Variants in BABAM2 observed in about 807,000 individuals in gnomAD.
BABAM2 encodes the protein BRISC and BRCA1-A complex member 2.
In BABAM2, 31 loss-of-function variants were observed where a neutral mutation model predicts 54.7. The ratio of observed to expected loss-of-function variants is 0.57; its 90% CI spans 0.43 to 0.77. The LOEUF (loss-of-function observed/expected upper bound fraction) is 0.77, where lower values mean the gene tolerates loss of function less well. Ranked by LOEUF, BABAM2 falls within the 30% of genes least tolerant of loss-of-function variation. The pLI, the probability that BABAM2 is intolerant of heterozygous loss-of-function variation, is 0.00. For synonymous variants in BABAM2, 167 were observed against 162.9 expected (o/e 1.03, Z -0.19); for missense variants, 364 against 455.8 (o/e 0.80, Z 1.83).
At chr2:28,137,433 G>A (rs901059457) in intron 7 of BABAM2, among the ~76,000 whole-genome samples, 1 of 152,142 alleles carries the variant, frequency 6.6e-6, no homozygotes, top group Non-Finnish European at 1.5e-5. Context: ...ACTAGTCTGG[G>A]AGCAGGGCCA....
At chr2:27,938,354 C>T (rs1185086100) in intron 3 of BABAM2, among the ~76,000 whole-genome samples, 1 of 151,876 alleles carries the variant, frequency 6.6e-6, no homozygotes, top group Non-Finnish European at 1.5e-5. Flanking sequence ...GTTTTACAGA[C>T]TCTTGGAAGA....
At chr2:28,091,414 G>A (rs1666145838) in intron 6 of BABAM2, among the ~76,000 whole-genome samples, 4 of 152,288 alleles carry the variant, frequency 2.6e-5, no homozygotes, top group African/African-American at 2.4e-5. Context: ...ATAGGGTTGG[G>A]AAGGAGTAGT....
chr2:28,013,838 C>T (rs1674598920), intron 4 of BABAM2, among the ~76,000 whole-genome samples: 1 of 151,836 alleles, frequency 6.6e-6, no homozygotes, highest in South Asian at 2.1e-4. Context: ...CAATCAGAAG[C>T]TTCCATGGCT....
chr2:28,236,759 G>A lies in BABAM2; in HGVS notation c.681-443G>A, dbSNP rs377168974. Among the ~76,000 whole-genome samples the A allele has an allele frequency of 7.2e-5, 11 of 152,298 alleles. 1 individual carries two copies. The highest frequency in any genetic ancestry group is 2.6e-4 in the African/African-American group (11 of 41,568). ...CAGTGATTATTGACTGCAGCTTCTT[G>A]TATACCTTTTGAAATACAAGATAAT... On this transcript the variant is annotated intron_variant, in intron 7 of 11. Transcript: ENST00000379624.
chr2:27,978,490 A>G (rs573218918), intron 3 of BABAM2, among the ~76,000 whole-genome samples: 102 of 152,272 alleles, frequency 6.7e-4, no homozygotes, highest in Admixed American at 1.2e-3. Flanking sequence ...TGTTGAGACT[A>G]TCTCCTTCAA....
At chr2:27,932,457 C>T (rs1668165439) in intron 3 of BABAM2, among the ~76,000 whole-genome samples, 1 of 151,472 alleles carries the variant, frequency 6.6e-6, no homozygotes, top group African/African-American at 2.4e-5. Flanking sequence ...TATAGTTTTT[C>T]TTCAAATAAA....
At position 28,307,388 on chromosome 2, in the gene BABAM2, A is replaced by G. The variant is rs1252444013; in HGVS notation, c.1088+8897A>G. Among the ~76,000 whole-genome samples the G allele has an allele frequency of 7.4e-5, 11 of 148,832 alleles. No homozygotes were observed. The East Asian group carries it at 1.8e-3, about 24-fold the overall frequency. Reference sequence around the variant, plus strand: ...TTTAAGCCCTACAGTCTTTCTATTCATATTTTTGGTTTGGGTTTTTTTTTT... The same window carrying G: ...TTTAAGCCCTACAGTCTTTCTATTCGTATTTTTGGTTTGGGTTTTTTTTTT... On this transcript the variant is annotated intron_variant, in intron 11 of 11. Transcript: ENST00000379624.
intron 7 of BABAM2, among the ~76,000 whole-genome samples, chr2:28,147,333 G>A (rs574039791): frequency 4.5e-4 from 68 of 152,196 alleles, no homozygotes; most frequent in African/African-American, 1.6e-3. Context: ...ACATCTTTGT[G>A]ATAGAACTCT....
At chr2:28,009,037 G>A (rs1353247846) in intron 4 of BABAM2, among the ~76,000 whole-genome samples, 1 of 152,140 alleles carries the variant, frequency 6.6e-6, no homozygotes, top group Non-Finnish European at 1.5e-5. Flanking sequence ...CCATCGTTTA[G>A]TCAATGGATT....
intron 6 of BABAM2, among the ~76,000 whole-genome samples, chr2:28,047,562 A>G (rs1014063219): frequency 6.6e-6 from 1 of 152,128 alleles, no homozygotes; most frequent in African/African-American, 2.4e-5. Flanking sequence ...TTGTTGGCTC[A>G]TAATCTCATA....
chr2:28,275,180 A>G (rs540816220), intron 10 of BABAM2, among the ~76,000 whole-genome samples: 44 of 152,242 alleles, frequency 2.9e-4, no homozygotes, highest in Non-Finnish European at 5.7e-4. Context: ...GCACAGGGAA[A>G]GGTTGTTCAC....
intron 10 of BABAM2, among the ~76,000 whole-genome samples, chr2:28,271,462 T>A (rs1172295756): frequency 6.6e-6 from 1 of 152,186 alleles, no homozygotes; most frequent in East Asian, 1.9e-4. Context: ...TCCAGTGACA[T>A]GACTCTGTCA....
rs945707371 is a variant in BABAM2 at position 28,286,698 on chromosome 2, C to A, written c.935-11640C>A. 2.6e-5 allele frequency among the ~76,000 whole-genome samples: 4 copies of A among 152,260 alleles called. No individual in the cohort carries two copies. In the South Asian group the frequency reaches 8.3e-4, roughly 32 times the overall value. On this transcript the variant is annotated intron_variant, in intron 10 of 11. Transcript: ENST00000379624. ...TCTCATCTAATAAGCCTCCTAGAAG[C>A]CCTTCGATGGAGTATCTTTGCACCC...
intron 10 of BABAM2, among the ~76,000 whole-genome samples, chr2:28,262,467 G>C (rs550251748): frequency 6.6e-6 from 1 of 152,176 alleles, no homozygotes; most frequent in East Asian, 1.9e-4. Context: ...TCATAGTAGG[G>C]ATAGAGGGGA....
chr2:28,159,369 G>C (rs1341630950), intron 7 of BABAM2, among the ~76,000 whole-genome samples: 1 of 152,176 alleles, frequency 6.6e-6, no homozygotes, highest in African/African-American at 2.4e-5. Context: ...CAGCCCAGTG[G>C]AAAGAGCTGT....
chr2:28,068,415 T>TAAAATACACA (rs1663819182), intron 6 of BABAM2, among the ~76,000 whole-genome samples: 1 of 152,196 alleles, frequency 6.6e-6, no homozygotes, highest in African/African-American at 2.4e-5. Flanking sequence ...CATAAAATAC[T>TAAAATACACA]GAGTTTATAA....
intron 4 of BABAM2, among the ~76,000 whole-genome samples, chr2:27,996,979 A>G (rs186932279): frequency 4.5e-4 from 68 of 152,320 alleles, no homozygotes; most frequent in Admixed American, 4.4e-3. Context: ...TATTTTGAGA[A>G]TATATAATTT....
chr2:28,211,280 G>T lies in BABAM2; in HGVS notation c.681-25922G>T, dbSNP rs1006545734. ...TAATTTTTTGATTGAGAGTTTTCAA[G>T]CATACATAGAACAAGAGAACATAGT... On this transcript the variant is annotated intron_variant, in intron 7 of 11. Coordinates refer to ENST00000379624, the MANE Select transcript of BABAM2 (RefSeq NM_199191.3). 1.3e-4 allele frequency among the ~76,000 whole-genome samples: 20 copies of T among 151,528 alleles called. No individual in the cohort carries two copies. In the East Asian group the frequency reaches 3.7e-3, roughly 28 times the overall value.
At chr2:28,197,774 A>G (rs895311172) in intron 7 of BABAM2, among the ~76,000 whole-genome samples, 1 of 152,182 alleles carries the variant, frequency 6.6e-6, no homozygotes, top group Admixed American at 6.5e-5. Flanking sequence ...AAAATCTGGA[A>G]ATGAAATAAG....
Sources: gnomAD v4.1 joint callset for allele counts (sites outside exome capture counted in the v4.1 genomes callset) on GRCh38, gnomAD v4.1.1 for gene constraint, MANE v1.5 for transcripts, NCBI Gene and HGNC (gene_info 2026-07-23, HGNC 2026-07-21) for gene names.